CNNM3: variants seen among roughly 807,000 people sequenced by gnomAD.
CNNM3 encodes the protein metal transporter CNNM3.
CNNM3 carries 47 observed loss-of-function variants against 57.1 expected under a neutral mutation model. That is an observed-to-expected ratio of 0.82 (90% CI 0.65 to 1.05). The LOEUF (loss-of-function observed/expected upper bound fraction) is 1.05, where lower values mean the gene tolerates loss of function less well. Ranked by LOEUF, CNNM3 falls within the 50% of genes least tolerant of loss-of-function variation. The pLI, the probability that CNNM3 is intolerant of heterozygous loss-of-function variation, is 0.00. For missense variants in CNNM3, 957 were observed against 973.7 expected (o/e 0.98, Z 0.23); for synonymous variants, 507 against 478.2 (o/e 1.06, Z -0.79).
intron 3 of CNNM3, 93 bp downstream of exon 3, chr2:96,827,075 T>C: frequency 7.0e-7 from 1 of 1,429,242 alleles, no homozygotes; most frequent in South Asian, 1.3e-5. Flanking sequence ...TGCTCCCCAC[T>C]CCTAGCAGGC....
At chr2:96,825,020 GC>G in intron 1 of CNNM3, 37 bp from the exon 2 acceptor site, 1 of 1,609,450 alleles carries the variant, frequency 6.2e-7, no homozygotes. Flanking sequence ...ACTGGGGGGG[GC>G]CCAGCAAGCT....
chr2:96,834,311 G>A lies in CNNM3; in HGVS notation c.*1695G>A, dbSNP rs1010051938. ...TGATTTAATCAGAGTCGGCATCAGA[G>A]TTTTCAATTTTTTATTTATTTATTA... On this transcript the variant is annotated 3_prime_UTR_variant, in exon 8 of 8. Coordinates refer to ENST00000305510, the MANE Select transcript of CNNM3 (RefSeq NM_017623.5). Among the ~76,000 whole-genome samples the A allele has an allele frequency of 6.7e-6, 1 of 150,248 alleles. No homozygotes were observed. Among genetic ancestry groups the A allele is most frequent in the Non-Finnish European group, 1.5e-5 (1 of 67,856 alleles).
chr2:96,817,449 ACTT>A lies in CNNM3; in HGVS notation c.1174_1176del (p.Phe392del). ...ACTCGTTTCTACAACCATCCGCTCC[ACTT>A]CGTCTTCAACGACACCAAGCTGGAC... is the stretch of plus-strand genomic sequence containing the variant. On this transcript the variant is annotated inframe_deletion, in exon 1 of 8. Transcript: ENST00000305510. 1 of 1,613,958 alleles carries A rather than the reference ACTT, an allele frequency of 6.2e-7. No individual in the cohort carries two copies.
downstream of CNNM3, chr2:96,837,123 T>C (rs553107549): frequency 2.6e-5 from 4 of 152,264 alleles, no homozygotes; most frequent in Non-Finnish European, 5.9e-5. Context: ...CATAGCTATA[T>C]AGTAGATCTT....
Position 96,832,580 on chromosome 2 carries a change from G to A in CNNM3, c.2088G>A (p.Pro696=), listed in dbSNP as rs748198918. Residue 696 remains proline (P), a synonymous_variant, in exon 8 of 8, where the codon CCG becomes CCA. Transcript: ENST00000305510. Reference sequence around the variant, plus strand: ...CCAGCCACAGCAGGCCCGGCGTCCCGGTGGAAGGCAGCCCTGGGCGGAACC... The same window carrying A: ...CCAGCCACAGCAGGCCCGGCGTCCCAGTGGAAGGCAGCCCTGGGCGGAACC... ...AGSSHSRPGV[P]VEGSPGRNPG... 18 of 1,613,986 alleles carry A rather than the reference G, an allele frequency of 1.1e-5. No homozygotes were observed. Among genetic ancestry groups the A allele is most frequent in the South Asian group, 1.1e-4 (10 of 91,090 alleles).
downstream of CNNM3, chr2:96,837,340 A>G (rs376750173): frequency 6.6e-6 from 1 of 152,230 alleles, no homozygotes; most frequent in South Asian, 2.1e-4. Flanking sequence ...TGAACATGGC[A>G]TGTCTATTTA....
chr2:96,832,598 G>A lies in CNNM3; in HGVS notation c.2106G>A (p.Gly702=), dbSNP rs745698388. 1.2e-6 allele frequency: 2 copies of A among 1,614,052 alleles called. No homozygotes were observed. The highest frequency in any genetic ancestry group is 1.7e-6 in the Non-Finnish European group (2 of 1,180,040). ...RPGVPVEGSP[G]RNPGV is the part of the protein sequence containing the mutation. ...GCGTCCCGGTGGAAGGCAGCCCTGG[G>A]CGGAACCCAGGCGTTTAACGGCTCA... The change falls in exon 8 of 8, where the codon GGG becomes GGA. Residue 702 remains glycine, a synonymous_variant. Coordinates refer to ENST00000305510, the MANE Select transcript of CNNM3 (RefSeq NM_017623.5).
chr2:96,817,433 T>A lies in CNNM3; in HGVS notation c.1156T>A (p.Tyr386Asn). 1 of 1,614,102 alleles carries A rather than the reference T, an allele frequency of 6.2e-7. No homozygotes were observed. The highest frequency in any genetic ancestry group is 8.5e-7 in the Non-Finnish European group (1 of 1,180,008). ...GCCGCTCAGCACCATCACTCGTTTCTACAACCATCCGCTCCACTTCGTCTT... is the reference window on the plus strand; with the variant it reads ...GCCGCTCAGCACCATCACTCGTTTCAACAACCATCCGCTCCACTTCGTCTT... Reference protein sequence around the residue: ...CTPLSTITRFYNHPLHFVFND... With the variant: ...CTPLSTITRFNNHPLHFVFND... The change falls in exon 1 of 8, where the codon TAC becomes AAC. Residue 386 changes from tyrosine to asparagine, a missense_variant. By Grantham distance (143) the Tyr-to-Asn change is moderately radical. Transcript: ENST00000305510.
chr2:96,829,606 CT>C (rs1452562200), intron 7 of CNNM3, among the ~76,000 whole-genome samples: 3 of 130,848 alleles, frequency 2.3e-5, no homozygotes, highest in Non-Finnish European at 3.0e-5. Context: ...CAACCCCCTT[CT>C]TGCTTTTTTT....
Position 96,826,921 on chromosome 2 carries a change from T to C in CNNM3, c.1458T>C (p.Asp486=). 2 of 1,614,212 alleles carry C rather than the reference T, an allele frequency of 1.2e-6. No homozygotes were observed. The highest frequency in any genetic ancestry group is 1.7e-6 in the Non-Finnish European group (2 of 1,180,028). The change falls in exon 3 of 8, where the codon GAT becomes GAC. Residue 486 remains aspartate (D), a synonymous_variant. Coordinates refer to ENST00000305510, the MANE Select transcript of CNNM3 (RefSeq NM_017623.5). ...TCTCCTTGTTCAAGGTGTCTGATGA[T>C]GAATATAAAGTAACAATCTCGCCTC... ...EEFSLFKVSD[D]EYKVTISPQL... is the part of the protein sequence containing the mutation.
chr2:96,826,936 A>C lies in CNNM3; in HGVS notation c.1473A>C (p.Thr491=), dbSNP rs1189292162. 6.2e-7 allele frequency: 1 copy of C among 1,614,022 alleles called. No individual in the cohort carries two copies. Among genetic ancestry groups the C allele is most frequent in the East Asian group, 2.2e-5 (1 of 44,882 alleles). The part of the protein sequence containing the change: ...FKVSDDEYKV[T]ISPQLLLATQ... Reference sequence around the variant, plus strand: ...TGTCTGATGATGAATATAAAGTAACAATCTCGCCTCAGCTGCTCTTGGCCA... The same window carrying C: ...TGTCTGATGATGAATATAAAGTAACCATCTCGCCTCAGCTGCTCTTGGCCA... Residue 491 remains threonine (T), a synonymous_variant, in exon 3 of 8, where the codon ACA becomes ACC. Coordinates refer to ENST00000305510, the MANE Select transcript of CNNM3 (RefSeq NM_017623.5).
Position 96,816,484 on chromosome 2 carries a change from G to T in CNNM3, c.207G>T (p.Pro69=), listed in dbSNP as rs1421786419. The part of the protein sequence containing the change: ...DATFLLRLFG[P]GFANSSWSWV... Reference sequence around the variant, plus strand: ...CCTTCCTCCTGCGCCTCTTCGGCCCGGGCTTCGCCAACAGCTCTTGGTCCT... The same window carrying T: ...CCTTCCTCCTGCGCCTCTTCGGCCCTGGCTTCGCCAACAGCTCTTGGTCCT... Residue 69 remains proline (P), a synonymous_variant, in exon 1 of 8, where the codon CCG becomes CCT. Transcript: ENST00000305510. 5 of 1,458,514 alleles carry T rather than the reference G, an allele frequency of 3.4e-6. No individual in the cohort carries two copies. Among genetic ancestry groups the T allele is most frequent in the East Asian group, 3.0e-5 (1 of 33,060 alleles). 90.3% of individuals were successfully genotyped at this position (1,458,514 alleles called of 1,614,324 possible). A position where few individuals can be genotyped will look rare whatever the true frequency, so the allele number is the denominator to read the frequency against.
Position 96,827,749 on chromosome 2 carries a change from C to A in CNNM3, c.1538C>A (p.Pro513Gln). Residue 513 changes from proline to glutamine, a missense_variant, in exon 4 of 8, where the codon CCG (proline) becomes CAG (glutamine). By Grantham distance (76) the Pro-to-Gln change is moderately conservative. Around this residue, in one of 2 missense-constraint regions of CNNM3, gnomAD observed 491 missense variants for 570.6 expected, o/e 0.86. Coordinates refer to ENST00000305510, the MANE Select transcript of CNNM3 (RefSeq NM_017623.5). ...CGTGCAGAAGTGGATGTATTCAGCC[C>A]GCTGCGCATCTCTGAGAAGGTCCTG... ...FLSREVDVFSPLRISEKVLLH... is the reference protein window; with the variant it reads ...FLSREVDVFSQLRISEKVLLH... 1 of 1,613,952 alleles carries A rather than the reference C, an allele frequency of 6.2e-7. No individual in the cohort carries two copies. The highest frequency in any genetic ancestry group is 1.1e-5 in the South Asian group (1 of 91,068).
At chr2:96,831,852 C>G (rs2079608771) in intron 7 of CNNM3, 1 of 394,008 alleles carries the variant, frequency 2.5e-6, no homozygotes, top group Non-Finnish European at 3.5e-6. Context: ...TGCCAGCTCT[C>G]CCTCAGCTTC....
chr2:96,836,676 G>A (rs373796074), downstream of CNNM3: 4 of 152,080 alleles, frequency 2.6e-5, no homozygotes, highest in South Asian at 2.1e-4. Flanking sequence ...CACCGTGCCC[G>A]GCCATCTTTT....
rs754842613 is a variant in CNNM3 at position 96,817,157 on chromosome 2, G to A, written c.880G>A (p.Ala294Thr). 20 of 1,428,090 alleles carry A rather than the reference G, an allele frequency of 1.4e-5. No individual in the cohort carries two copies. The Admixed American group carries it at 4.6e-4, about 33-fold the overall frequency. 88.5% of individuals were successfully genotyped at this position (1,428,090 alleles called of 1,614,324 possible). The change falls in exon 1 of 8, where the codon GCG (alanine) becomes ACG (threonine). Residue 294 changes from alanine (A) to threonine (T), a missense_variant. By Grantham distance (58) the Ala-to-Thr change is moderately conservative. Around this residue, in one of 2 missense-constraint regions of CNNM3, gnomAD observed 491 missense variants for 570.6 expected, o/e 0.86. Transcript: ENST00000305510. ...GCTGCGGGAGCGGGTGCTGGAGCTGGCGCGCGGCGGCGGCGACCCCTACAG... is the reference window on the plus strand; with the variant it reads ...GCTGCGGGAGCGGGTGCTGGAGCTGACGCGCGGCGGCGGCGACCCCTACAG... ...GRLRERVLEL[A>T]RGGGDPYSDL...
downstream of CNNM3, among the ~76,000 whole-genome samples, chr2:96,835,469 C>CTTTT (rs535208227): frequency 3.6e-5 from 5 of 137,590 alleles, no homozygotes; most frequent in African/African-American, 8.2e-5. Flanking sequence ...AACAATCAAA[C>CTTTT]TTTTTTTTTT....
rs143620089 is a variant in CNNM3, at chr2:96,834,822, C to T, written c.*2206C>T. 5.9e-5 allele frequency among the ~76,000 whole-genome samples: 9 copies of T among 152,300 alleles called. No individual in the cohort carries two copies. Among genetic ancestry groups the T allele is most frequent in the African/African-American group, 2.2e-4 (9 of 41,550 alleles). On this transcript the variant is annotated 3_prime_UTR_variant, in exon 8 of 8. Coordinates refer to ENST00000305510, the MANE Select transcript of CNNM3 (RefSeq NM_017623.5). Reference sequence around the variant, plus strand: ...CTGCTGCAGCAGCCAATCCAGGATGCCATACTGCACTTAGAGCTGTTGCTT... The same window carrying T: ...CTGCTGCAGCAGCCAATCCAGGATGTCATACTGCACTTAGAGCTGTTGCTT...
At position 96,834,856 on chromosome 2, in the gene CNNM3, C is replaced by CCTAA. The variant is rs2079665444; in HGVS notation, c.*2243_*2246dup. ...ACTTAGAGCTGTTGCTTTCTTTTTTCCTAACTTTATATTTTGAAATAATTT... is the reference window on the plus strand; with the variant it reads ...ACTTAGAGCTGTTGCTTTCTTTTTTCCTAACTAACTTTATATTTTGAAATAATTT... On this transcript the variant is annotated 3_prime_UTR_variant, in exon 8 of 8. Transcript: ENST00000305510. Among the ~76,000 whole-genome samples the CCTAA allele has an allele frequency of 6.6e-6, 1 of 152,124 alleles. No homozygotes were observed. Among genetic ancestry groups the CCTAA allele is most frequent in the Non-Finnish European group, 1.5e-5 (1 of 68,032 alleles).
Sources: allele counts gnomAD v4.1 joint callset (sites outside exome capture counted in the v4.1 genomes callset), GRCh38; gene constraint gnomAD v4.1.1; regional missense constraint gnomAD v4.1.1; transcripts MANE v1.5; gene names NCBI Gene and HGNC (gene_info 2026-07-23, HGNC 2026-07-21).